The following CCDC40 variants were observed in gnomAD, a reference collection of about 807,000 sequenced individuals.
CCDC40 encodes the protein coiled-coil domain-containing protein 40.
Under a neutral mutation model 124.5 loss-of-function variants are expected in CCDC40, and 104 were observed. The observed-to-expected ratio is 0.84, with a 90% CI of 0.71 to 0.98. The LOEUF (loss-of-function observed/expected upper bound fraction) is 0.98. Ranked by LOEUF, CCDC40 falls within the 50% of genes least tolerant of loss-of-function variation. CCDC40 has a pLI of 0.00. For synonymous variants in CCDC40, 580 were observed against 602.9 expected, an observed-to-expected ratio of 0.96 and a Z score of 0.56; for missense variants, 1,463 against 1,503.9, an observed-to-expected ratio of 0.97 and a Z score of 0.45.
At position 80,094,353 on chromosome 17, in the gene CCDC40, G is replaced by A. The variant is rs12449774; in HGVS notation, c.2833-910G>A. Among the ~76,000 whole-genome samples, 810 of 151,898 alleles carry A rather than the reference G, an allele frequency of 5.3e-3. 6 individuals are homozygous for A. The highest frequency in any genetic ancestry group is 0.02 in the South Asian group (95 of 4,808). ...CTTGAATCTGGGAGGTGGAAGTTGC[G>A]GTGAGACGAGATTGTGCCATCGCAC... On this transcript the variant is annotated intron_variant, in intron 17 of 19. Coordinates refer to ENST00000397545, the MANE Select transcript of CCDC40 (RefSeq NM_017950.4).
chr17:80,068,934 G>A (rs1405597506), intron 10 of CCDC40, among the ~76,000 whole-genome samples: 2 of 152,228 alleles, frequency 1.3e-5, no homozygotes, highest in Non-Finnish European at 2.9e-5. Flanking sequence ...GCTAGAGGGC[G>A]GAATGCCTGG....
intron 17 of CCDC40, 166 bp downstream of exon 17, chr17:80,090,050 G>T (rs1216122300): frequency 7.8e-6 from 12 of 1,536,544 alleles, no homozygotes; most frequent in African/African-American, 1.4e-5. Context: ...ACCCGCTCCA[G>T]CAGAGTGACC....
Position 80,090,149 on chromosome 17 carries a change from GA to G in CCDC40, c.2832+267del. 2 of 1,410,400 alleles carry G rather than the reference GA, an allele frequency of 1.4e-6. 1 individual carries two copies. Among genetic ancestry groups the G allele is most frequent in the Non-Finnish European group, 1.9e-6 (2 of 1,035,240 alleles). 87.4% of individuals were successfully genotyped at this position (1,410,400 alleles called of 1,614,324 possible). A position where few individuals can be genotyped will look rare whatever the true frequency, so the allele number is the denominator to read the frequency against. ...GCTTTTAATGTGCAGAAATATTGCAGAACAACACAGGACGCACACAGGCACG... is the reference window on the plus strand; with the variant it reads ...GCTTTTAATGTGCAGAAATATTGCAGACAACACAGGACGCACACAGGCACG... On this transcript the variant is annotated intron_variant, in intron 17 of 19. Coordinates refer to ENST00000397545, the MANE Select transcript of CCDC40 (RefSeq NM_017950.4).
At position 80,081,716 on chromosome 17, in the gene CCDC40, C is replaced by G; in HGVS notation, c.1733C>G (p.Ala578Gly). 6.2e-7 allele frequency: 1 copy of G among 1,614,092 alleles called. No individual in the cohort carries two copies. The highest frequency in any genetic ancestry group is 8.5e-7 in the Non-Finnish European group (1 of 1,180,010). The change falls in exon 11 of 20, where the codon GCC becomes GGC. Residue 578 changes from alanine (A) to glycine (G), a missense_variant. Transcript: ENST00000397545. ...LTTQCLTKQV[A>G]LQSQFNTYRL... Reference sequence around the variant, plus strand: ...ACCCAGTGCCTGACCAAGCAGGTGGCCCTGCAGAGCCAGTTCAATACCTAC... The same window carrying G: ...ACCCAGTGCCTGACCAAGCAGGTGGGCCTGCAGAGCCAGTTCAATACCTAC...
At chr17:80,091,857 G>A (rs1318898537) in intron 17 of CCDC40, among the ~76,000 whole-genome samples, 2 of 151,852 alleles carry the variant, frequency 1.3e-5, no homozygotes, top group Non-Finnish European at 2.9e-5. Context: ...CAGCCTGACA[G>A]ATTACTTGTC....
In CCDC40 at chr17:80,084,824, C is replaced by T. The variant is rs779993312; in HGVS notation, c.2071C>T (p.His691Tyr). The T allele has an allele frequency of 1.9e-6, 3 of 1,614,084 alleles. No homozygotes were observed. Among genetic ancestry groups the T allele is most frequent in the Admixed American group, 3.3e-5 (2 of 60,006 alleles). Residue 691 changes from histidine (H) to tyrosine (Y), a missense_variant, in exon 13 of 20, where the codon CAC becomes TAC. By Grantham distance (83) the His-to-Tyr change is moderately conservative. Transcript: ENST00000397545. The part of the protein sequence containing the change: ...ITHTSSRLDA[H>Y]QKTLVELDQD... ...ACACACCAGCAGCAGGCTGGACGCACACCAGAAGACCCTGGTGGAGCTGGA... is the reference window on the plus strand; with the variant it reads ...ACACACCAGCAGCAGGCTGGACGCATACCAGAAGACCCTGGTGGAGCTGGA...
chr17:80,056,012 A>ATTTTTTTTTTTTT (rs1278622929), intron 7 of CCDC40, among the ~76,000 whole-genome samples: 9 of 14,138 alleles, frequency 6.4e-4, no homozygotes, highest in Non-Finnish European at 9.3e-4. Context: ...ATATATATAT[A>ATTTTTTTTTTTTT]TATATTTTTT....
At chr17:80,051,275 C>A in intron 7 of CCDC40, 2 of 975,372 alleles carry the variant, frequency 2.1e-6, no homozygotes, top group African/African-American at 1.7e-5. Context: ...ACATTTTAAA[C>A]CCTGAGAAAA....
At chr17:80,045,463 C>T (rs895510501) in intron 3 of CCDC40, among the ~76,000 whole-genome samples, 2 of 152,048 alleles carry the variant, frequency 1.3e-5, no homozygotes, top group African/African-American at 4.8e-5. Flanking sequence ...CAACACTTTG[C>T]GAGGCCGAGG....
At chr17:80,061,506 C>T (rs549059939) in intron 9 of CCDC40, among the ~76,000 whole-genome samples, 9 of 152,332 alleles carry the variant, frequency 5.9e-5, no homozygotes, top group African/African-American at 2.2e-4. Flanking sequence ...GGCTGAAAGC[C>T]AAGGAGACTC....
intron 10 of CCDC40, 68 bp downstream of exon 10, chr17:80,065,674 A>T: frequency 6.3e-7 from 1 of 1,595,742 alleles, no homozygotes; most frequent in South Asian, 1.1e-5. Flanking sequence ...CCCGCCCCAC[A>T]CCCCCTCTCT....
intron 18 of CCDC40, among the ~76,000 whole-genome samples, chr17:80,096,472 G>GCTA (rs35306116): frequency 0.21 from 31,561 of 151,736 alleles, 3,970 homozygotes; most frequent in Non-Finnish European, 0.28. Context: ...CACTACATTG[G>GCTA]CTACTCCTGA....
At chr17:80,097,471 C>A in intron 19 of CCDC40, 68 bp downstream of exon 19, 1 of 1,564,160 alleles carries the variant, frequency 6.4e-7, no homozygotes, top group Non-Finnish European at 8.8e-7. Flanking sequence ...AGAGGTCCTG[C>A]GTCCCCTCTG....
chr17:80,067,988 G>A (rs2143691480), intron 10 of CCDC40: 1 of 1,079,774 alleles, frequency 9.3e-7, no homozygotes, highest in Non-Finnish European at 1.1e-6. Flanking sequence ...CCTGCAGCTT[G>A]CCACACCAAG....
chr17:80,081,828 C>G (rs747335744), intron 11 of CCDC40, 39 bp downstream of exon 11: 1 of 1,613,924 alleles, frequency 6.2e-7, no homozygotes, highest in Non-Finnish European at 8.5e-7. Context: ...ACCTGGCGCA[C>G]GGTGGTGCCT....
rs1162497479 is a variant in CCDC40 at position 80,087,147 on chromosome 17, C to T, written c.2450-460C>T. 8.1e-6 allele frequency: 2 copies of T among 247,390 alleles called. No individual in the cohort carries two copies. Among genetic ancestry groups the T allele is most frequent in the East Asian group, 1.9e-4 (2 of 10,778 alleles). The allele number at this position is 247,390 out of a possible 1,614,324, so 15.3% of individuals were successfully genotyped here. A position where few individuals can be genotyped will look rare whatever the true frequency, so the allele number is the denominator to read the frequency against. On this transcript the variant is annotated intron_variant, in intron 14 of 19. Coordinates refer to ENST00000397545, the MANE Select transcript of CCDC40 (RefSeq NM_017950.4). The surrounding 1 kb of genome is among the most constrained non-coding windows in gnomAD (Gnocchi z 4.5). ...GTGGCCTCTTGTGCCCTCCACCCAT[C>T]TTAACATCAAGAAGAGCTGTTGTTT...
intron 1 of CCDC40, chr17:80,037,904 C>T: frequency 2.1e-6 from 1 of 470,370 alleles, no homozygotes; most frequent in Non-Finnish European, 4.0e-6. Flanking sequence ...TTATATTTTT[C>T]ATTCATTCAT....
intron 17 of CCDC40, among the ~76,000 whole-genome samples, chr17:80,094,720 G>T (rs1204062221): frequency 6.6e-6 from 1 of 152,012 alleles, no homozygotes. Context: ...AGCACAGTTT[G>T]GTGGGTTCTA....
At chr17:80,067,798 T>C in intron 10 of CCDC40, 1 of 1,453,704 alleles carries the variant, frequency 6.9e-7, no homozygotes, top group African/African-American at 1.4e-5. Context: ...CAGCGGTGTT[T>C]CAAAGTCCCC....
Sources: gnomAD v4.1 joint callset for allele counts (sites outside exome capture counted in the v4.1 genomes callset) on GRCh38, gnomAD v4.1.1 for gene constraint, Gnocchi (gnomAD v3.1) non-coding constraint, MANE v1.5 for transcripts, NCBI Gene and HGNC (gene_info 2026-07-23, HGNC 2026-07-21) for gene names.